TOX: variants seen among roughly 807,000 people sequenced by gnomAD.
TOX encodes thymocyte selection-associated high mobility group box protein TOX.
In TOX, 11 loss-of-function variants were observed where a neutral mutation model predicts 53.7. That is an observed-to-expected ratio of 0.20 (90% CI 0.13 to 0.34). The LOEUF is 0.34. TOX is among the 10% of genes least tolerant of loss of function. The pLI is 1.00. For missense variants in TOX, 570 were observed against 664.6 expected (o/e 0.86, Z 1.56); for synonymous variants, 225 against 245.3 (o/e 0.92, Z 0.77).
intron 1 of TOX, among the ~76,000 whole-genome samples, chr8:58,970,753 C>T (rs1019258852): frequency 6.6e-6 from 1 of 152,224 alleles, no homozygotes; most frequent in Admixed American, 6.5e-5. Flanking sequence ...AGGCTTAGCA[C>T]ATTTTATTTA....
intron 3 of TOX, among the ~76,000 whole-genome samples, chr8:58,924,039 A>G (rs969068231): frequency 2.0e-5 from 3 of 152,248 alleles, no homozygotes; most frequent in Admixed American, 2.0e-4. Context: ...CTAAGGTAAG[A>G]ATCTTCTGAT....
chr8:58,915,123 G>T (rs1157814640), intron 3 of TOX, among the ~76,000 whole-genome samples: 1 of 151,334 alleles, frequency 6.6e-6, no homozygotes, highest in Admixed American at 6.6e-5. Flanking sequence ...CGAGGCTGGG[G>T]GAGGGGCGCC....
intron 3 of TOX, among the ~76,000 whole-genome samples, chr8:58,925,115 G>A (rs1223994203): frequency 6.6e-6 from 1 of 152,158 alleles, no homozygotes; most frequent in Non-Finnish European, 1.5e-5. Context: ...TCTATGGCAA[G>A]TTAGAGGAGA....
At position 58,810,222 on chromosome 8, in the gene TOX, T is replaced by C. The variant is rs375532626; in HGVS notation, c.1393-1953A>G. Among the ~76,000 whole-genome samples, 11 of 152,298 alleles carry C rather than the reference T, an allele frequency of 7.2e-5. No homozygotes were observed. In the East Asian group the frequency reaches 1.5e-3, roughly 21 times the overall value. On this transcript the variant is annotated intron_variant, in intron 7 of 8. Transcript: ENST00000361421. ...ACTTGCAATGTTGCCCAGGCTGATC[T>C]TGAACTCTGGGGCTCAAGGGATCCT...
At chr8:59,061,254 T>C (rs1475798988) in intron 1 of TOX, among the ~76,000 whole-genome samples, 1 of 152,216 alleles carries the variant, frequency 6.6e-6, no homozygotes, top group Non-Finnish European at 1.5e-5. Flanking sequence ...CAAAGTATTA[T>C]GAATGGCAAT....
At chr8:58,835,698 C>T (rs986769553) in intron 5 of TOX, among the ~76,000 whole-genome samples, 2 of 152,072 alleles carry the variant, frequency 1.3e-5, no homozygotes, top group Admixed American at 6.6e-5. Flanking sequence ...AAGAACCAAT[C>T]GTGGGCTAGG....
intron 3 of TOX, among the ~76,000 whole-genome samples, chr8:58,933,106 G>A (rs558297157): frequency 6.6e-6 from 1 of 152,142 alleles, no homozygotes; most frequent in Non-Finnish European, 1.5e-5. Context: ...TCTACAAAAA[G>A]CCCAGGTTCT....
At chr8:58,912,837 C>A (rs1212544595) in intron 3 of TOX, among the ~76,000 whole-genome samples, 1 of 152,192 alleles carries the variant, frequency 6.6e-6, no homozygotes, top group African/African-American at 2.4e-5. Flanking sequence ...ACAATGCTAA[C>A]CTTCTGGCCT....
intron 1 of TOX, among the ~76,000 whole-genome samples, chr8:59,015,163 A>G (rs1407004054): frequency 3.9e-5 from 6 of 152,236 alleles, no homozygotes; most frequent in Non-Finnish European, 8.8e-5. Context: ...GCCAGTCTGT[A>G]ATCAGGCAGT....
In TOX at chr8:59,118,475, GC is replaced by G. The variant is rs1805148193; in HGVS notation, c.102+410del. The stretch of plus-strand genomic sequence containing the variant: ...GGAAGTGGTGCCACGAGCCCCCACT[GC>G]CCGGGGAGGGAGGGAGAGAGAAGGG... On this transcript the variant is annotated intron_variant, in intron 1 of 8. Coordinates refer to ENST00000361421, the MANE Select transcript of TOX (RefSeq NM_014729.3). The surrounding 1 kb of genome is among the most constrained non-coding windows in gnomAD (Gnocchi z 4.1). Among the ~76,000 whole-genome samples the G allele has an allele frequency of 6.6e-6, 1 of 152,198 alleles. No homozygotes were observed. The highest frequency in any genetic ancestry group is 2.4e-5 in the African/African-American group (1 of 41,464).
chr8:59,107,122 C>T (rs899805819), intron 1 of TOX, among the ~76,000 whole-genome samples: 4 of 144,154 alleles, frequency 2.8e-5, no homozygotes, highest in Non-Finnish European at 6.0e-5. Context: ...TAAAATAGAT[C>T]AAGGCTCTAA....
intron 1 of TOX, among the ~76,000 whole-genome samples, chr8:59,109,932 A>C (rs1039463968): frequency 6.6e-6 from 1 of 152,180 alleles, no homozygotes; most frequent in African/African-American, 2.4e-5. Context: ...TCCCTAATTA[A>C]GTAAAAGTGT....
intron 1 of TOX, among the ~76,000 whole-genome samples, chr8:58,998,440 G>A (rs1279182714): frequency 7.1e-6 from 1 of 141,456 alleles, no homozygotes; most frequent in Non-Finnish European, 1.5e-5. Flanking sequence ...AGTGAGCCAA[G>A]ATCATGCCAC....
intron 1 of TOX, among the ~76,000 whole-genome samples, chr8:59,015,340 T>G (rs755244148): frequency 6.6e-6 from 1 of 152,214 alleles, no homozygotes; most frequent in Non-Finnish European, 1.5e-5. Flanking sequence ...CTCAAACATA[T>G]AGCTGAATAA....
At chr8:59,025,234 T>G (rs1347777003) in intron 1 of TOX, among the ~76,000 whole-genome samples, 1 of 152,106 alleles carries the variant, frequency 6.6e-6, no homozygotes, top group Non-Finnish European at 1.5e-5. Context: ...AATTCCCTGA[T>G]TCTATGCTAT....
chr8:58,989,887 A>G (rs746238131), intron 1 of TOX, among the ~76,000 whole-genome samples: 1 of 152,162 alleles, frequency 6.6e-6, no homozygotes, highest in African/African-American at 2.4e-5. Context: ...AAGAAGCCCT[A>G]TTCACACCTC....
rs1804016187 is a variant in TOX at position 59,063,042 on chromosome 8, C to G, written c.102+55844G>C. On this transcript the variant is annotated intron_variant, in intron 1 of 8. Transcript: ENST00000361421. ...TGCCTATGTTTTCAGTAAAAATAAG[C>G]TTGCAAAAATTCTTCAGAAAAGGCA... is the stretch of plus-strand genomic sequence containing the variant. Among the ~76,000 whole-genome samples, 6 of 151,996 alleles carry G rather than the reference C, an allele frequency of 3.9e-5. No individual in the cohort carries two copies. In the South Asian group the frequency reaches 1.2e-3, roughly 32 times the overall value.
At chr8:58,859,810 G>A (rs1810976762) in intron 3 of TOX, among the ~76,000 whole-genome samples, 1 of 152,166 alleles carries the variant, frequency 6.6e-6, no homozygotes, top group Non-Finnish European at 1.5e-5. Context: ...TAAAAGTGAT[G>A]GCTAAAAATC....
At chr8:58,811,436 C>T (rs943876905) in intron 7 of TOX, among the ~76,000 whole-genome samples, 18 of 152,180 alleles carry the variant, frequency 1.2e-4, no homozygotes, top group African/African-American at 3.6e-4. Flanking sequence ...CTGCAGCCCT[C>T]GCAGTTTTGT....
Sources: gnomAD v4.1 joint callset for allele counts (sites outside exome capture counted in the v4.1 genomes callset) on GRCh38, gnomAD v4.1.1 for gene constraint, Gnocchi (gnomAD v3.1) non-coding constraint, MANE v1.5 for transcripts, NCBI Gene and HGNC (gene_info 2026-07-23, HGNC 2026-07-21) for gene names.